NSMCE1: variants seen among roughly 807,000 people sequenced by gnomAD.
NSMCE1 encodes non-structural maintenance of chromosomes element 1 homolog.
Under a neutral mutation model 29.6 loss-of-function variants are expected in NSMCE1, and 18 were observed. The ratio of observed to expected loss-of-function variants is 0.61; its 90% confidence interval spans 0.42 to 0.90. The LOEUF (loss-of-function observed/expected upper bound fraction) is 0.90. Among genes scored for constraint, NSMCE1 ranks in the 40% least tolerant of loss-of-function variants. The pLI is 0.00. For missense variants in NSMCE1, 314 were observed against 343.6 expected (o/e 0.91, Z 0.68); for synonymous variants, 124 against 133.4 (o/e 0.93, Z 0.49).
At chr16:27,225,290 G>T in intron 7 of NSMCE1, 54 bp from the exon 8 acceptor site, 1 of 1,086,346 alleles carries the variant, frequency 9.2e-7, no homozygotes, top group Non-Finnish European at 1.4e-6. Flanking sequence ...TGGCAGCACA[G>T]GGGCACCAGC....
chr16:27,249,665 T>C (rs1175932474), intron 2 of NSMCE1, among the ~76,000 whole-genome samples: 2 of 152,262 alleles, frequency 1.3e-5, no homozygotes, highest in Non-Finnish European at 2.9e-5. Context: ...ACTGTCTTGA[T>C]AGGACAGCCA....
intron 6 of NSMCE1, 177 bp from the exon 7 acceptor site, chr16:27,226,023 G>C: frequency 1.5e-6 from 1 of 678,214 alleles, no homozygotes; most frequent in South Asian, 1.9e-5. Flanking sequence ...TTGTTTGCTT[G>C]CTGCTTGTTG....
Position 27,258,747 on chromosome 16 carries a change from C to CT in NSMCE1, c.-11-1167dup, listed in dbSNP as rs375630897. 6.6e-3 allele frequency among the ~76,000 whole-genome samples: 982 copies of CT among 149,082 alleles called. 11 individuals carry two copies. The highest frequency in any genetic ancestry group is 0.019 in the African/African-American group (789 of 40,696). On this transcript the variant is annotated intron_variant, in intron 1 of 7. Transcript: ENST00000361439. ...GACTGCTAATTACTGCTCTTTTGTT[C>CT]TTTTTTTTTTCTTTTTTTTCTGAGA...
At chr16:27,250,138 T>C (rs1194928127) in intron 2 of NSMCE1, among the ~76,000 whole-genome samples, 2 of 152,256 alleles carry the variant, frequency 1.3e-5, no homozygotes. Flanking sequence ...AACTCACTTA[T>C]TAGTTCCAGA....
At position 27,266,205 on chromosome 16, in the gene NSMCE1, TCAACAACAACAA is replaced by T. The variant is rs548806949; in HGVS notation, c.-12+2489_-12+2500del. Reference sequence around the variant, plus strand: ...CTGGGCAACATAGCAAGATCCACTCTCAACAACAACAACAACAACAAAATAATGTGAATATGT... The same window carrying T: ...CTGGGCAACATAGCAAGATCCACTCTCAACAACAAAATAATGTGAATATGT... On this transcript the variant is annotated intron_variant, in intron 1 of 7. Coordinates refer to ENST00000361439, the MANE Select transcript of NSMCE1 (RefSeq NM_145080.4). 7 of 152,326 alleles carry T rather than the reference TCAACAACAACAA, an allele frequency of 4.6e-5. No homozygotes were observed. The Admixed American group carries it at 4.6e-4, about 10-fold the overall frequency. The allele number at this position is 152,326 out of a possible 1,614,324, so 9.4% of individuals were successfully genotyped here. A position where few individuals can be genotyped will look rare whatever the true frequency, so the allele number is the denominator to read the frequency against.
chr16:27,235,574 C>A (rs2083813193), intron 2 of NSMCE1, among the ~76,000 whole-genome samples: 2 of 152,190 alleles, frequency 1.3e-5, no homozygotes, highest in South Asian at 4.1e-4. Context: ...GGCTTCCTGT[C>A]TTTGCTCGCT....
intron 1 of NSMCE1, among the ~76,000 whole-genome samples, chr16:27,264,374 A>T (rs1350624383): frequency 6.6e-6 from 1 of 152,190 alleles, no homozygotes; most frequent in East Asian, 1.9e-4. Flanking sequence ...TCCTGTCTAA[A>T]AACAAACCAA....
Position 27,248,497 on chromosome 16 carries a change from G to A in NSMCE1, c.136+8938C>T, listed in dbSNP as rs539978127. 5.5e-3 allele frequency among the ~76,000 whole-genome samples: 721 copies of A among 131,182 alleles called. 4 individuals carry two copies. The highest frequency in any genetic ancestry group is 8.6e-3 in the Non-Finnish European group (555 of 64,648). 86.1% of individuals were successfully genotyped at this position (131,182 alleles called of 152,430 possible). ...GTGATCTCAGCTCACTGCAACCTCCGCCTCCCGGGTTCAAGCAATTCTCCT... is the reference window on the plus strand; with the variant it reads ...GTGATCTCAGCTCACTGCAACCTCCACCTCCCGGGTTCAAGCAATTCTCCT... On this transcript the variant is annotated intron_variant, in intron 2 of 7. Transcript: ENST00000361439.
At chr16:27,262,681 G>C (rs954439950) in intron 1 of NSMCE1, among the ~76,000 whole-genome samples, 1 of 152,122 alleles carries the variant, frequency 6.6e-6, no homozygotes, top group Non-Finnish European at 1.5e-5. Flanking sequence ...ACACAGGAAC[G>C]GGCAAAGATC....
intron 7 of NSMCE1, among the ~76,000 whole-genome samples, chr16:27,225,474 A>G (rs2083678889): frequency 6.6e-6 from 1 of 152,214 alleles, no homozygotes; most frequent in South Asian, 2.1e-4. Context: ...GGGCTGCCAG[A>G]GAGAGAGCCT....
intron 1 of NSMCE1, among the ~76,000 whole-genome samples, chr16:27,265,580 C>G (rs953906881): frequency 6.6e-6 from 1 of 152,092 alleles, no homozygotes; most frequent in Admixed American, 6.6e-5. Flanking sequence ...CACATTTGCC[C>G]TAGGAGATAT....
chr16:27,255,032 A>C (rs2084072369), intron 2 of NSMCE1, among the ~76,000 whole-genome samples: 2 of 151,764 alleles, frequency 1.3e-5, no homozygotes, highest in South Asian at 2.1e-4. Context: ...GGCATGCACC[A>C]CCACACCCGG....
At chr16:27,260,403 G>A (rs1222504053) in intron 1 of NSMCE1, among the ~76,000 whole-genome samples, 1 of 151,678 alleles carries the variant, frequency 6.6e-6, no homozygotes, top group Non-Finnish European at 1.5e-5. Context: ...TAGTAAAGGG[G>A]AATAATGTAA....
chr16:27,235,883 G>A (rs1390081886), intron 2 of NSMCE1, among the ~76,000 whole-genome samples: 1 of 152,206 alleles, frequency 6.6e-6, no homozygotes, highest in Non-Finnish European at 1.5e-5. Flanking sequence ...GGCTTGCAGC[G>A]AGCCCTCAGC....
At chr16:27,237,043 T>C (rs960727931) in intron 2 of NSMCE1, among the ~76,000 whole-genome samples, 1 of 151,980 alleles carries the variant, frequency 6.6e-6, no homozygotes, top group Non-Finnish European at 1.5e-5. Context: ...ATGAGCTCTG[T>C]CAGAGGATCA....
chr16:27,261,886 T>G lies in NSMCE1; in HGVS notation c.-11-4305A>C, dbSNP rs112741453. On this transcript the variant is annotated intron_variant, in intron 1 of 7. Transcript: ENST00000361439. Reference sequence around the variant, plus strand: ...TCATCACTTAGGTTTATTCCAGCAATGGTTTCACATCTAAAAATCAATCAA... The same window carrying G: ...TCATCACTTAGGTTTATTCCAGCAAGGGTTTCACATCTAAAAATCAATCAA... Among the ~76,000 whole-genome samples the G allele has an allele frequency of 5.2e-4, 79 of 152,352 alleles. 1 individual carries two copies. The highest frequency in any genetic ancestry group is 1.8e-3 in the African/African-American group (74 of 41,590).
intron 1 of NSMCE1, among the ~76,000 whole-genome samples, chr16:27,261,166 CA>C (rs11420728): frequency 0.22 from 21,866 of 97,706 alleles, 1,641 homozygotes; most frequent in East Asian, 0.4. Context: ...GACTCCGTCT[CA>C]AAAAAAAAAA....
chr16:27,248,893 A>G (rs1196754642), intron 2 of NSMCE1, among the ~76,000 whole-genome samples: 1 of 151,956 alleles, frequency 6.6e-6, no homozygotes, highest in African/African-American at 2.4e-5. Flanking sequence ...CAGTGGCACA[A>G]TCTCAGCTCA....
chr16:27,226,659 G>A (rs2083696987), intron 6 of NSMCE1, 61 bp downstream of exon 6: 3 of 1,104,732 alleles, frequency 2.7e-6, no homozygotes, highest in South Asian at 2.6e-5. Flanking sequence ...GGAAGTACCT[G>A]TACAGAGCCC....
Sources: allele counts gnomAD v4.1 joint callset (sites outside exome capture counted in the v4.1 genomes callset), GRCh38; gene constraint gnomAD v4.1.1; transcripts MANE v1.5; gene names NCBI Gene and HGNC (gene_info 2026-07-23, HGNC 2026-07-21).